The following ZMYM5 variants were observed in gnomAD, a reference collection of about 807,000 sequenced individuals.
The protein encoded by ZMYM5 is zinc finger MYM-type protein 5.
In ZMYM5, 41 loss-of-function variants were observed where a neutral mutation model predicts 61.8. The observed-to-expected ratio is 0.66, with a 90% confidence interval of 0.52 to 0.86. ZMYM5 has a LOEUF of 0.86. Ranked by LOEUF, ZMYM5 falls within the 40% of genes least tolerant of loss-of-function variation. The pLI is 0.00. For missense variants in ZMYM5, 706 were observed against 786.7 expected, an observed-to-expected ratio of 0.90 and a Z score of 1.23; for synonymous variants, 257 against 276.4, an observed-to-expected ratio of 0.93 and a Z score of 0.70.
At chr13:19,863,216 C>G (rs578070202) in intron 1 of ZMYM5, among the ~76,000 whole-genome samples, 1 of 151,398 alleles carries the variant, frequency 6.6e-6, no homozygotes, top group East Asian at 2.0e-4. Context: ...GCCTCCCCGC[C>G]GGCCCCGCGA....
In ZMYM5 at chr13:19,824,814, TTCC is replaced by T; in HGVS notation, c.1670_1672del (p.Arg557del). On this transcript the variant is annotated inframe_deletion, in exon 8 of 8. Coordinates refer to ENST00000337963, the MANE Select transcript of ZMYM5 (RefSeq NM_001142684.2). ...CCGTGTATAATAAGTTTCTGAAAAC[TTCC>T]TCCCTGTATTATCTTTTGGAAAGTT... The T allele has an allele frequency of 7.4e-7, 1 of 1,352,176 alleles. No individual in the cohort carries two copies. The highest frequency in any genetic ancestry group is 9.9e-7 in the Non-Finnish European group (1 of 1,013,126). 83.8% of individuals were successfully genotyped at this position (1,352,176 alleles called of 1,614,324 possible).
rs963697935 is a variant in ZMYM5 at position 19,851,955 on chromosome 13, T to C, written c.226A>G (p.Ile76Val). ...IQPPSISAPA[I>V]ADQRNFIFAS... ...AATATGAAGTTTCTTTGATCAGCTA[T>C]TGCTGGAGCAGAAATTGAAGGAGGT... Residue 76 changes from isoleucine (I) to valine (V), a missense_variant, in exon 3 of 8, where the codon ATA (isoleucine) becomes GTA (valine). Around this residue, in one of 2 missense-constraint regions of ZMYM5, gnomAD observed 480 missense variants for 461.7 expected, o/e 1.04. Coordinates refer to ENST00000337963, the MANE Select transcript of ZMYM5 (RefSeq NM_001142684.2). The C allele has an allele frequency of 6.2e-6, 10 of 1,613,958 alleles. No individual in the cohort carries two copies. The Admixed American group carries it at 8.3e-5, about 13-fold the overall frequency.
chr13:19,836,659 AT>A (rs1349821104), intron 6 of ZMYM5, among the ~76,000 whole-genome samples: 1 of 152,136 alleles, frequency 6.6e-6, no homozygotes, highest in African/African-American at 2.4e-5. Flanking sequence ...GCCCTAGAAC[AT>A]TTGTGGAGGG....
rs977792225 is a variant in ZMYM5 at position 19,824,796 on chromosome 13, T to C, written c.1691A>G (p.Tyr564Cys). Residue 564 changes from tyrosine to cysteine, a missense_variant, in exon 8 of 8, where the codon TAT becomes TGT. Tyr to Cys is a radical substitution (Grantham distance 194, BLOSUM62 -2). Coordinates refer to ENST00000337963, the MANE Select transcript of ZMYM5 (RefSeq NM_001142684.2). ...TTCACCATTTGGAAGAATCCGTGTA[T>C]AATAAGTTTCTGAAAACTTCCTCCC... Reference protein sequence around the residue: ...NTGRKFSETYYTRILPNGEKT... With the variant: ...NTGRKFSETYCTRILPNGEKT... 5.2e-6 allele frequency: 7 copies of C among 1,354,782 alleles called. No individual in the cohort carries two copies. Among genetic ancestry groups the C allele is most frequent in the Admixed American group, 2.0e-5 (1 of 50,226 alleles). 83.9% of individuals were successfully genotyped at this position (1,354,782 alleles called of 1,614,324 possible).
intron 2 of ZMYM5, among the ~76,000 whole-genome samples, chr13:19,861,167 G>T (rs1005005822): frequency 2.0e-5 from 3 of 151,598 alleles, no homozygotes; most frequent in Non-Finnish European, 4.4e-5. Flanking sequence ...CATTTTTTTT[G>T]AGACAGACTC....
Position 19,838,894 on chromosome 13 carries a change from C to T in ZMYM5, c.678G>A (p.Gln226=). 1.2e-6 allele frequency: 2 copies of T among 1,614,106 alleles called. No individual in the cohort carries two copies. Among genetic ancestry groups the T allele is most frequent in the Non-Finnish European group, 8.5e-7 (1 of 1,180,030 alleles). ...SLSPVALLRK[Q]NFQPTAQQQL... is the part of the protein sequence containing the mutation. ...GTTGTTGGGCTGTAGGCTGGAAATTCTGCTTACGAAGTAAGGCCACTGGTG... is the reference window on the plus strand; with the variant it reads ...GTTGTTGGGCTGTAGGCTGGAAATTTTGCTTACGAAGTAAGGCCACTGGTG... The change falls in exon 5 of 8, where the codon CAG becomes CAA. Residue 226 remains glutamine (Q), a synonymous_variant. Transcript: ENST00000337963.
chr13:19,828,725 G>A (rs943717444), intron 7 of ZMYM5, among the ~76,000 whole-genome samples: 6 of 152,170 alleles, frequency 3.9e-5, no homozygotes, highest in Admixed American at 3.3e-4. Flanking sequence ...GTAGAATTTG[G>A]ATTAGTTGGT....
intron 7 of ZMYM5, among the ~76,000 whole-genome samples, chr13:19,827,924 C>T (rs1890994877): frequency 1.4e-5 from 2 of 140,244 alleles, no homozygotes; most frequent in Admixed American, 1.6e-4. Flanking sequence ...GAGGCTGAGG[C>T]AAGAGAATGG....
At chr13:19,851,245 AC>A (rs1953282144) in intron 4 of ZMYM5, 109 bp downstream of exon 4, 1 of 1,066,252 alleles carries the variant, frequency 9.4e-7, no homozygotes, top group East Asian at 2.4e-5. Flanking sequence ...AAACAAGCAA[AC>A]AAAAAAAGCA....
At chr13:19,831,253 A>C (rs1891201049) in intron 7 of ZMYM5, among the ~76,000 whole-genome samples, 1 of 151,546 alleles carries the variant, frequency 6.6e-6, no homozygotes, top group African/African-American at 2.4e-5. Context: ...CAGGCTCCCA[A>C]ACAGCTGGGA....
In ZMYM5 at chr13:19,852,207, G is replaced by GAA. The variant is rs749266505; in HGVS notation, c.-10-19_-10-18dup. On this transcript the variant is annotated splice_polypyrimidine_tract_variant and intron_variant, in intron 2 of 7. Coordinates refer to ENST00000337963, the MANE Select transcript of ZMYM5 (RefSeq NM_001142684.2). ...CCAATGAACCTGTAGAGACAGAAAA[G>GAA]AAAAAAAAAAGTTCTAGTATGTTAT... is the stretch of plus-strand genomic sequence containing the variant. 7.0e-7 allele frequency: 1 copy of GAA among 1,428,806 alleles called. No homozygotes were observed. The highest frequency in any genetic ancestry group is 2.5e-5 in the East Asian group (1 of 40,800). The allele number at this position is 1,428,806 out of a possible 1,614,324, so 88.5% of individuals were successfully genotyped here. A position where few individuals can be genotyped will look rare whatever the true frequency, so the allele number is the denominator to read the frequency against.
At chr13:19,848,621 C>T (rs1205233410) in intron 4 of ZMYM5, among the ~76,000 whole-genome samples, 1 of 151,830 alleles carries the variant, frequency 6.6e-6, no homozygotes, top group African/African-American at 2.4e-5. Context: ...GCAACCTCTG[C>T]CTCCCAGGTT....
intron 2 of ZMYM5, among the ~76,000 whole-genome samples, chr13:19,857,820 C>T (rs1953566715): frequency 6.6e-6 from 1 of 151,964 alleles, no homozygotes; most frequent in South Asian, 2.1e-4. Context: ...GAGTTCAAGA[C>T]CAGCCTGGGC....
chr13:19,859,435 C>T (rs1178690060), intron 2 of ZMYM5, among the ~76,000 whole-genome samples: 1 of 152,120 alleles, frequency 6.6e-6, no homozygotes, highest in Non-Finnish European at 1.5e-5. Flanking sequence ...CGGAGTCTCG[C>T]TCTGTCACCC....
intron 1 of ZMYM5, among the ~76,000 whole-genome samples, chr13:19,862,860 G>A (rs970197991): frequency 3.9e-5 from 6 of 152,168 alleles, no homozygotes; most frequent in Non-Finnish European, 8.8e-5. Context: ...ATCACCTCTG[G>A]GCCCACAGTT....
intron 4 of ZMYM5, chr13:19,841,774 T>C (rs1289723660): frequency 1.3e-5 from 2 of 152,082 alleles, no homozygotes; most frequent in African/African-American, 2.4e-5. Context: ...ACCCTAAAAG[T>C]TAAAGAAAGA....
intron 7 of ZMYM5, among the ~76,000 whole-genome samples, chr13:19,830,348 T>C (rs1891138825): frequency 6.6e-6 from 1 of 152,150 alleles, no homozygotes; most frequent in Non-Finnish European, 1.5e-5. Context: ...TATACAGAAA[T>C]ATCATGCCTA....
intron 4 of ZMYM5, among the ~76,000 whole-genome samples, chr13:19,850,234 C>T (rs928390019): frequency 6.6e-6 from 1 of 152,078 alleles, no homozygotes; most frequent in South Asian, 2.1e-4. Flanking sequence ...TCTAAAAATA[C>T]AGTTCCTTGA....
At chr13:19,840,802 T>C (rs4448780) in intron 4 of ZMYM5, among the ~76,000 whole-genome samples, 140,494 of 151,902 alleles carry the variant, frequency 0.92, 65,879 homozygotes, top group East Asian at 1. Flanking sequence ...TCAAGCCTCC[T>C]GAGTAGCTGG....
Sources: allele counts gnomAD v4.1 joint callset (sites outside exome capture counted in the v4.1 genomes callset), GRCh38; gene constraint gnomAD v4.1.1; regional missense constraint gnomAD v4.1.1; transcripts MANE v1.5; gene names NCBI Gene and HGNC (gene_info 2026-07-23, HGNC 2026-07-21).